The following DCAF8 variants were observed in gnomAD, a reference collection of about 807,000 sequenced individuals.
The protein encoded by DCAF8 is DDB1 and CUL4 associated factor 8.
In DCAF8, 20 loss-of-function variants were observed where a neutral mutation model predicts 68.0. That is an observed-to-expected ratio of 0.29 (90% CI 0.21 to 0.43). The LOEUF (loss-of-function observed/expected upper bound fraction) is 0.43. DCAF8 is among the 20% of genes least tolerant of loss of function. DCAF8 has a pLI of 1.00. For missense variants in DCAF8, 460 were observed against 771.0 expected, an observed-to-expected ratio of 0.60 and a Z score of 4.78; for synonymous variants, 230 against 276.9, an observed-to-expected ratio of 0.83 and a Z score of 1.68.
chr1:160,236,332 ATATG>A (rs1441835137), intron 6 of DCAF8, among the ~76,000 whole-genome samples: 2 of 151,308 alleles, frequency 1.3e-5, no homozygotes, highest in Non-Finnish European at 2.9e-5. Context: ...ATATAAATAC[ATATG>A]TGTGTATATG....
chr1:160,257,722 T>C (rs573108947), intron 2 of DCAF8, among the ~76,000 whole-genome samples: 2 of 152,212 alleles, frequency 1.3e-5, no homozygotes, highest in East Asian at 1.9e-4. Context: ...GAACTGATTC[T>C]TTTTTTTGAG....
chr1:160,262,356 C>T (rs1185392568), intron 1 of DCAF8, 93 bp downstream of exon 1: 1 of 399,426 alleles, frequency 2.5e-6, no homozygotes, highest in Non-Finnish European at 4.4e-6. Flanking sequence ...GCCCGCTTCC[C>T]GTCTTGGGTC....
rs145339170 is a variant in DCAF8 at position 160,231,371 on chromosome 1, C to G, written c.996G>C (p.Val332=). The G allele has an allele frequency of 4.1e-5, 66 of 1,614,022 alleles. No individual in the cohort carries two copies. The highest frequency in any genetic ancestry group is 5.3e-5 in the Non-Finnish European group (62 of 1,180,006). Residue 332 remains valine, a synonymous_variant, in exon 7 of 14, where the codon GTG becomes GTC. Coordinates refer to ENST00000368074, the MANE Select transcript of DCAF8 (RefSeq NM_015726.4). ...LVVTKEKEKK[V]GLYTIYVNPA... ...GATTCACATAGATCGTATACAGCCC[C>G]ACTTTCTTCTCTTTCTCTTTTGTCA...
Position 160,218,432 on chromosome 1 carries a change from C to T in DCAF8, c.1569G>A (p.Lys523=), listed in dbSNP as rs1473519489. ...CTTCATCCCGCTCCCGCTTGTTCTT[C>T]TTAATCACCTGGAACCCAAAAAGGT... ...TELTGLKDVI[K]KNKRERDEDS... is the part of the protein sequence containing the mutation. The change falls in exon 13 of 14, where the codon AAG becomes AAA. Residue 523 remains lysine, a synonymous_variant. Transcript: ENST00000368074. 23 of 1,613,894 alleles carry T rather than the reference C, an allele frequency of 1.4e-5. No individual in the cohort carries two copies. Among genetic ancestry groups the T allele is most frequent in the Non-Finnish European group, 1.8e-5 (21 of 1,179,904 alleles).
intron 1 of DCAF8, 68 bp downstream of exon 1, chr1:160,262,381 G>T (rs988552106): frequency 2.5e-6 from 1 of 399,600 alleles, no homozygotes; most frequent in South Asian, 1.3e-4. Context: ...TTCTGCTAGC[G>T]GCTGCTCCGA....
At position 160,243,945 on chromosome 1, in the gene DCAF8, A is replaced by G. The variant is rs748958830; in HGVS notation, c.49+15T>C. On this transcript the variant is annotated intron_variant, in intron 3 of 13. Transcript: ENST00000368074. The stretch of plus-strand genomic sequence containing the variant: ...TGATAGTAAAAATAGCTTCACCTTC[A>G]TTTTGGCCCCTTACCATTAGCTAAG... 2.5e-6 allele frequency: 4 copies of G among 1,613,704 alleles called. No individual in the cohort carries two copies. In the Admixed American group the frequency reaches 5.0e-5, roughly 20 times the overall value.
intron 3 of DCAF8, 100 bp from the exon 4 acceptor site, chr1:160,240,470 A>T: frequency 8.4e-7 from 1 of 1,192,600 alleles, no homozygotes; most frequent in Non-Finnish European, 1.2e-6. Context: ...AGACCAAAAA[A>T]TGAACTTTGG....
At chr1:160,230,492 A>G (rs1655639518) in intron 7 of DCAF8, among the ~76,000 whole-genome samples, 1 of 152,202 alleles carries the variant, frequency 6.6e-6, no homozygotes, top group South Asian at 2.1e-4. Context: ...AGTGTTAACA[A>G]AAGGTGTTCA....
At chr1:160,251,506 G>A (rs942814227) in intron 2 of DCAF8, among the ~76,000 whole-genome samples, 2 of 151,710 alleles carry the variant, frequency 1.3e-5, no homozygotes, top group African/African-American at 2.4e-5. Flanking sequence ...ACAGGGTCTC[G>A]CTGTTGTCCA....
At chr1:160,231,066 C>G (rs1655664085) in intron 7 of DCAF8, among the ~76,000 whole-genome samples, 1 of 152,036 alleles carries the variant, frequency 6.6e-6, no homozygotes, top group South Asian at 2.1e-4. Flanking sequence ...CATCTAACTT[C>G]TTTAAAACTT....
chr1:160,238,981 T>C (rs374758933), intron 4 of DCAF8: 8 of 558,492 alleles, frequency 1.4e-5, no homozygotes, highest in East Asian at 1.3e-4. Context: ...CTCTGGAAGA[T>C]TGAACTGGCA....
rs1045650178 is a variant in DCAF8, at chr1:160,257,537, C to G, written c.-27+3748G>C. Among the ~76,000 whole-genome samples, 3 of 152,176 alleles carry G rather than the reference C, an allele frequency of 2.0e-5. No homozygotes were observed. In the South Asian group the frequency reaches 6.2e-4, roughly 32 times the overall value. ...GACTTAGAGCACGAAACTCAAGATC[C>G]CAGTCTTTCACAACAGGGTGCGCTT... is the stretch of plus-strand genomic sequence containing the variant. On this transcript the variant is annotated intron_variant, in intron 2 of 13. Transcript: ENST00000368074.
At chr1:160,231,224 A>T in intron 7 of DCAF8, 73 bp downstream of exon 7, 1 of 1,053,598 alleles carries the variant, frequency 9.5e-7, no homozygotes, top group Non-Finnish European at 1.4e-6. Context: ...AACTCTCCAT[A>T]AAGGAGCACC....
chr1:160,256,677 T>C (rs1483619445), intron 2 of DCAF8, among the ~76,000 whole-genome samples: 1 of 152,206 alleles, frequency 6.6e-6, no homozygotes, highest in East Asian at 1.9e-4. Flanking sequence ...AGCAAATATC[T>C]AATCTAAAAT....
At chr1:160,238,040 C>T (rs1655955065) in intron 5 of DCAF8, among the ~76,000 whole-genome samples, 1 of 152,182 alleles carries the variant, frequency 6.6e-6, no homozygotes, top group Non-Finnish European at 1.5e-5. Flanking sequence ...TCCAGGTCCA[C>T]CTATATTTTT....
intron 2 of DCAF8, among the ~76,000 whole-genome samples, chr1:160,248,455 G>C (rs1656447967): frequency 6.6e-6 from 1 of 152,138 alleles, no homozygotes; most frequent in Non-Finnish European, 1.5e-5. Flanking sequence ...ACAGGCTGGG[G>C]CTGGGCGTGG....
At position 160,255,354 on chromosome 1, in the gene DCAF8, A is replaced by C. The variant is rs1422386654; in HGVS notation, c.-27+5931T>G. 2.0e-5 allele frequency among the ~76,000 whole-genome samples: 3 copies of C among 152,126 alleles called. No individual in the cohort carries two copies. In the East Asian group the frequency reaches 5.8e-4, roughly 29 times the overall value. ...TCTCACTATCTTGCCGCGTGGTCTCAAACTCCTGAGCTCAAGTAATCCTCC... is the reference window on the plus strand; with the variant it reads ...TCTCACTATCTTGCCGCGTGGTCTCCAACTCCTGAGCTCAAGTAATCCTCC... On this transcript the variant is annotated intron_variant, in intron 2 of 13. Transcript: ENST00000368074.
At chr1:160,244,481 T>G (rs1656240594) in intron 2 of DCAF8, among the ~76,000 whole-genome samples, 1 of 152,200 alleles carries the variant, frequency 6.6e-6, no homozygotes, top group South Asian at 2.1e-4. Context: ...GTACAACACT[T>G]GTTTTCACAA....
At chr1:160,252,451 C>T (rs981411474) in intron 2 of DCAF8, among the ~76,000 whole-genome samples, 3 of 151,928 alleles carry the variant, frequency 2.0e-5, no homozygotes, top group Admixed American at 6.6e-5. Flanking sequence ...AGGACCAGAG[C>T]AAGAAAAGAT....
Sources: allele counts gnomAD v4.1 joint callset (sites outside exome capture counted in the v4.1 genomes callset), GRCh38; gene constraint gnomAD v4.1.1; transcripts MANE v1.5; gene names NCBI Gene and HGNC (gene_info 2026-07-23, HGNC 2026-07-21).